STPG2: variants seen among roughly 807,000 people sequenced by gnomAD.
STPG2 encodes sperm tail PG-rich repeat containing 2.
Under a neutral mutation model 54.2 loss-of-function variants are expected in STPG2, and 56 were observed. The observed-to-expected ratio is 1.03, with a 90% confidence interval of 0.83 to 1.29. The LOEUF (loss-of-function observed/expected upper bound fraction) is 1.29, where lower values mean the gene tolerates loss of function less well. STPG2 is among the 50% of genes most tolerant of loss of function. The probability of loss-of-function intolerance (pLI) is 0.00; values close to 1 mark genes in which losing one functional copy is unlikely to be tolerated. For missense variants in STPG2, 596 were observed against 544.9 expected (o/e 1.09, Z -0.93); for synonymous variants, 200 against 181.8 (o/e 1.10, Z -0.81).
At chr4:97,907,536 C>G (rs1172474777) in intron 8 of STPG2, among the ~76,000 whole-genome samples, 1 of 151,826 alleles carries the variant, frequency 6.6e-6, no homozygotes, top group Non-Finnish European at 1.5e-5. Flanking sequence ...TCATATGGAA[C>G]CAAAAAAGAG....
intron 4 of STPG2, among the ~76,000 whole-genome samples, chr4:97,472,249 A>C (rs1729955736): frequency 6.6e-6 from 1 of 152,348 alleles, no homozygotes; most frequent in Non-Finnish European, 1.5e-5. Context: ...TATGGTAGGA[A>C]AATCTGAACT....
At chr4:98,084,099 C>T (rs2110119021) in intron 5 of STPG2, among the ~76,000 whole-genome samples, 1 of 152,268 alleles carries the variant, frequency 6.6e-6, no homozygotes, top group Admixed American at 6.5e-5. Flanking sequence ...CCTGCCTCAG[C>T]CTCCCAAAGT....
intron 10 of STPG2, among the ~76,000 whole-genome samples, chr4:97,694,622 C>T (rs1723501148): frequency 6.6e-6 from 1 of 151,196 alleles, no homozygotes; most frequent in African/African-American, 2.4e-5. Flanking sequence ...TCCTAGTTAA[C>T]ACGGTGAAAC....
At position 97,502,139 on chromosome 4, in the gene STPG2, T is replaced by C. The variant is rs189287278; in HGVS notation, c.462+210560A>G. On this transcript the variant is annotated intron_variant, in intron 4 of 4. Transcript: ENST00000522676. ...CTACTTATTAGAAACAGGAGTGAAA[T>C]AAAAAGTTTAAGGAATATAATAAAG... Among the ~76,000 whole-genome samples the C allele has an allele frequency of 5.3e-5, 8 of 151,900 alleles. No homozygotes were observed. The East Asian group carries it at 1.4e-3, about 26-fold the overall frequency.
At chr4:97,605,810 C>CA (rs201278737) in intron 10 of STPG2, among the ~76,000 whole-genome samples, 1,509 of 142,566 alleles carry the variant, frequency 0.011, 23 homozygotes, top group African/African-American at 0.04. Context: ...TGCATTAATA[C>CA]AAAAAAAAGA....
intron 10 of STPG2, among the ~76,000 whole-genome samples, chr4:97,598,953 G>T (rs892534286): frequency 7.2e-5 from 11 of 151,938 alleles, no homozygotes; most frequent in African/African-American, 2.7e-4. Context: ...AAGAGCTTCT[G>T]CCAGCAAAAG....
chr4:98,038,067 G>T (rs916350038), intron 5 of STPG2, among the ~76,000 whole-genome samples: 10 of 151,940 alleles, frequency 6.6e-5, no homozygotes, highest in African/African-American at 2.4e-4. Context: ...TTAAGACAGG[G>T]TCTTGCTATG....
chr4:97,489,001 T>C (rs1292325743), intron 4 of STPG2, among the ~76,000 whole-genome samples: 1 of 151,706 alleles, frequency 6.6e-6, no homozygotes, highest in Non-Finnish European at 1.5e-5. Flanking sequence ...CCACAGTTCA[T>C]GGGAAGAACC....
chr4:97,816,510 A>T (rs1727915249), intron 9 of STPG2, among the ~76,000 whole-genome samples: 2 of 152,156 alleles, frequency 1.3e-5, no homozygotes, highest in Non-Finnish European at 2.9e-5. Context: ...GTGTAAAAGC[A>T]TTCCTATTTC....
intron 8 of STPG2, among the ~76,000 whole-genome samples, chr4:97,855,062 T>A (rs1416630203): frequency 6.6e-6 from 1 of 152,206 alleles, no homozygotes; most frequent in Non-Finnish European, 1.5e-5. Context: ...TCTATTCATG[T>A]CCCTGCAAAG....
At chr4:97,644,796 T>G (rs1000585142) in intron 10 of STPG2, among the ~76,000 whole-genome samples, 1 of 152,020 alleles carries the variant, frequency 6.6e-6, no homozygotes, top group Non-Finnish European at 1.5e-5. Flanking sequence ...CCTTTAGTAT[T>G]CTAGTTTTCT....
At chr4:97,942,578 A>G (rs1733030777) in intron 8 of STPG2, among the ~76,000 whole-genome samples, 1 of 152,104 alleles carries the variant, frequency 6.6e-6, no homozygotes, top group Non-Finnish European at 1.5e-5. Context: ...ATAATGCCTC[A>G]GAAAAAAAAA....
chr4:97,908,279 G>A (rs1260868282), intron 8 of STPG2, among the ~76,000 whole-genome samples: 1 of 151,982 alleles, frequency 6.6e-6, no homozygotes, highest in Non-Finnish European at 1.5e-5. Context: ...CACCATCACT[G>A]GCCATCAGAG....
intron 10 of STPG2, among the ~76,000 whole-genome samples, chr4:97,645,427 G>C (rs1297114282): frequency 1.3e-5 from 2 of 152,098 alleles, no homozygotes; most frequent in East Asian, 3.9e-4. Context: ...GTATCAAGAA[G>C]GCTTTTTATT....
chr4:97,972,558 G>A lies in STPG2; in HGVS notation c.773-118C>T, dbSNP rs115532666. On this transcript the variant is annotated intron_variant, in intron 6 of 10. Coordinates refer to ENST00000295268, the MANE Select transcript of STPG2 (RefSeq NM_174952.3). ...AATAAAAAACCCTCACATATTTCTG[G>A]CATAAATGTAAAATGGCATAGTCGC... is the stretch of plus-strand genomic sequence containing the variant. 5.4e-3 allele frequency: 3,121 copies of A among 580,850 alleles called. 12 individuals carry two copies. Among genetic ancestry groups the A allele is most frequent in the Non-Finnish European group, 6.8e-3 (2,550 of 373,730 alleles). The allele number at this position is 580,850 out of a possible 1,614,324, so 36.0% of individuals were successfully genotyped here. A position where few individuals can be genotyped will look rare whatever the true frequency, so the allele number is the denominator to read the frequency against.
At chr4:98,136,987 A>C (rs1318253259) in intron 1 of STPG2, among the ~76,000 whole-genome samples, 2 of 151,766 alleles carry the variant, frequency 1.3e-5, no homozygotes, top group African/African-American at 4.8e-5. Context: ...GCAAAAGAGC[A>C]TATTAAAACC....
chr4:97,755,914 A>T (rs1195344101), intron 9 of STPG2, among the ~76,000 whole-genome samples: 1 of 152,236 alleles, frequency 6.6e-6, no homozygotes, highest in Non-Finnish European at 1.5e-5. Flanking sequence ...AGTTAGAATA[A>T]ATATTCATGG....
At chr4:97,606,157 C>T (rs1733587238) in intron 10 of STPG2, among the ~76,000 whole-genome samples, 1 of 151,818 alleles carries the variant, frequency 6.6e-6, no homozygotes, top group African/African-American at 2.4e-5. Context: ...TCACGTGGGG[C>T]ATTTTGTGAT....
At chr4:97,844,636 C>T (rs1451306791) in intron 8 of STPG2, among the ~76,000 whole-genome samples, 1 of 151,964 alleles carries the variant, frequency 6.6e-6, no homozygotes, top group Non-Finnish European at 1.5e-5. Context: ...TATAATGTAT[C>T]TAAGTGTGAA....
Sources: allele counts gnomAD v4.1 joint callset (sites outside exome capture counted in the v4.1 genomes callset), GRCh38; gene constraint gnomAD v4.1.1; transcripts MANE v1.5; gene names NCBI Gene and HGNC (gene_info 2026-07-23, HGNC 2026-07-21).